PDE6A: variants seen among roughly 807,000 people sequenced by gnomAD.
The protein encoded by PDE6A is rod cGMP-specific 3',5'-cyclic phosphodiesterase subunit alpha.
PDE6A carries 84 observed loss-of-function variants against 106.3 expected under a neutral mutation model. That is an observed-to-expected ratio of 0.79 (90% CI 0.66 to 0.95). PDE6A has a LOEUF of 0.95. Ranked by LOEUF, PDE6A falls within the 40% of genes least tolerant of loss-of-function variation. PDE6A has a pLI of 0.00. For synonymous variants in PDE6A, 394 were observed against 386.6 expected, an observed-to-expected ratio of 1.02 and a Z score of -0.23; for missense variants, 1,052 against 1,084.9, an observed-to-expected ratio of 0.97 and a Z score of 0.43.
chr5:149,939,606 C>T (rs1363893266), intron 1 of PDE6A, among the ~76,000 whole-genome samples: 2 of 152,140 alleles, frequency 1.3e-5, no homozygotes, highest in Non-Finnish European at 2.9e-5. Flanking sequence ...GTGCCAAGAA[C>T]ACTGCTGATG....
intron 13 of PDE6A, among the ~76,000 whole-genome samples, chr5:149,888,468 C>A (rs1752401826): frequency 6.8e-6 from 1 of 146,900 alleles, no homozygotes; most frequent in African/African-American, 2.5e-5. Context: ...ATTCTTAACA[C>A]ATAATTAATA....
At chr5:149,926,846 TG>T (rs1438044616) in intron 4 of PDE6A, among the ~76,000 whole-genome samples, 1 of 151,720 alleles carries the variant, frequency 6.6e-6, no homozygotes, top group East Asian at 1.9e-4. Context: ...GGTGTGGTGG[TG>T]GGGGCCTGTA....
At chr5:149,866,443 A>C in intron 19 of PDE6A, 190 bp from the exon 20 acceptor site, 1 of 550,506 alleles carries the variant, frequency 1.8e-6, no homozygotes, top group Non-Finnish European at 3.3e-6. Flanking sequence ...CAAATCCAGA[A>C]TGTGGGAAAC....
intron 17 of PDE6A, among the ~76,000 whole-genome samples, chr5:149,868,494 A>G (rs796197622): frequency 3.2e-4 from 49 of 152,338 alleles, no homozygotes; most frequent in African/African-American, 1.1e-3. Flanking sequence ...ATAGTGTCTG[A>G]ACATGGTATA....
Position 149,914,959 on chromosome 5 carries a change from C to G in PDE6A, c.982G>C (p.Asp328His), listed in dbSNP as rs1753505644. The G allele has an allele frequency of 1.2e-6, 2 of 1,609,802 alleles. No homozygotes were observed. Among genetic ancestry groups the G allele is most frequent in the African/African-American group, 2.7e-5 (2 of 74,648 alleles). The change falls in exon 6 of 22, where the codon GAC (aspartate) becomes CAC (histidine). Residue 328 changes from aspartate (D) to histidine (H), a missense_variant. Coordinates refer to ENST00000255266, the MANE Select transcript of PDE6A (RefSeq NM_000440.3). ...VIDYILHGKE[D>H]IKVIPNPPPD... ...GAAACTTACGGGATGACTTTGATGT[C>G]CTCTTTGCCATGCAGGATGTAGTCA...
intron 17 of PDE6A, 142 bp from the exon 18 acceptor site, chr5:149,868,300 T>A: frequency 1.3e-6 from 1 of 789,860 alleles, no homozygotes; most frequent in East Asian, 2.7e-5. Context: ...CCCCATTGCA[T>A]CCAGGGGTTG....
At chr5:149,932,298 C>A (rs150799748) in intron 3 of PDE6A, 3 of 1,436,694 alleles carry the variant, frequency 2.1e-6, no homozygotes, top group Non-Finnish European at 2.9e-6. Flanking sequence ...TCTTTTTAGT[C>A]GGCCAACTGC....
At chr5:149,894,629 A>ATT (rs10657525) in intron 13 of PDE6A, among the ~76,000 whole-genome samples, 16,633 of 112,892 alleles carry the variant, frequency 0.15, 3,326 homozygotes, top group African/African-American at 0.43. Flanking sequence ...GAACTGTTGA[A>ATT]TTTTTTTTTT....
At chr5:149,907,837 T>C (rs993756647) in intron 6 of PDE6A, among the ~76,000 whole-genome samples, 4 of 152,192 alleles carry the variant, frequency 2.6e-5, no homozygotes, top group Non-Finnish European at 4.4e-5. Context: ...GCTTGTTTGT[T>C]GTGAGAAAAA....
At chr5:149,883,600 A>C in intron 16 of PDE6A, 64 bp from the exon 17 acceptor site, 2 of 1,065,712 alleles carry the variant, frequency 1.9e-6, no homozygotes, top group Non-Finnish European at 2.9e-6. Flanking sequence ...CTGAGCTGCT[A>C]ACATTGGCTG....
intron 8 of PDE6A, among the ~76,000 whole-genome samples, chr5:149,899,919 T>G (rs1446532321): frequency 6.6e-6 from 1 of 152,190 alleles, no homozygotes; most frequent in East Asian, 1.9e-4. Context: ...AGATATAACC[T>G]GCACATTTTG....
chr5:149,898,569 C>T, intron 9 of PDE6A, 63 bp from the exon 10 acceptor site: 1 of 1,539,392 alleles, frequency 6.5e-7, no homozygotes, highest in East Asian at 2.3e-5. Flanking sequence ...GACTCTAAAA[C>T]TCATAGCAAG....
At chr5:149,935,804 A>T (rs2113662950) in intron 1 of PDE6A, among the ~76,000 whole-genome samples, 1 of 152,330 alleles carries the variant, frequency 6.6e-6, no homozygotes, top group South Asian at 2.1e-4. Context: ...TGCTCAGCTC[A>T]CGCCGTTCTG....
At chr5:149,936,760 A>G (rs1178802659) in intron 1 of PDE6A, among the ~76,000 whole-genome samples, 1 of 152,234 alleles carries the variant, frequency 6.6e-6, no homozygotes, top group Non-Finnish European at 1.5e-5. Flanking sequence ...CATTTAGCTC[A>G]AACTAGTAAA....
At chr5:149,941,816 T>G (rs529251644) in intron 1 of PDE6A, among the ~76,000 whole-genome samples, 1 of 152,362 alleles carries the variant, frequency 6.6e-6, no homozygotes, top group Non-Finnish European at 1.5e-5. Flanking sequence ...CTGAGACAAC[T>G]GACAGAAACT....
At chr5:149,913,496 C>A (rs1012878230) in intron 6 of PDE6A, among the ~76,000 whole-genome samples, 13 of 152,034 alleles carry the variant, frequency 8.6e-5, no homozygotes, top group Admixed American at 3.3e-4. Flanking sequence ...TCATCCTCAC[C>A]GGTAACAGAC....
chr5:149,910,960 GCCTCCACCTCC>G (rs1358387328), intron 6 of PDE6A, among the ~76,000 whole-genome samples: 1 of 135,676 alleles, frequency 7.4e-6, no homozygotes, highest in Non-Finnish European at 1.5e-5. Context: ...GCTCACTGTA[GCCTCCACCTCC>G]CCGGCTCAAG....
chr5:149,879,395 G>A (rs995624523), intron 17 of PDE6A, among the ~76,000 whole-genome samples: 5 of 150,988 alleles, frequency 3.3e-5, no homozygotes, highest in Non-Finnish European at 7.4e-5. Flanking sequence ...TGAAAAGCTC[G>A]CTCTGAAATT....
At chr5:149,909,877 G>A (rs987484915) in intron 6 of PDE6A, among the ~76,000 whole-genome samples, 4 of 152,134 alleles carry the variant, frequency 2.6e-5, no homozygotes, top group African/African-American at 7.2e-5. Flanking sequence ...CCAAGCATAT[G>A]AGAATTTCCT....
Sources: gnomAD v4.1 joint callset for allele counts (sites outside exome capture counted in the v4.1 genomes callset) on GRCh38, gnomAD v4.1.1 for gene constraint, MANE v1.5 for transcripts, NCBI Gene and HGNC (gene_info 2026-07-23, HGNC 2026-07-21) for gene names.